The following B4GALT2 variants were observed in gnomAD, a reference collection of about 807,000 sequenced individuals.
B4GALT2 encodes beta-1,4-galactosyltransferase 2.
Under a neutral mutation model 33.2 loss-of-function variants are expected in B4GALT2, and 18 were observed. The observed-to-expected ratio is 0.54, with a 90% CI of 0.38 to 0.80. The LOEUF (loss-of-function observed/expected upper bound fraction) is 0.80. B4GALT2 is among the 30% of genes least tolerant of loss of function. The pLI, the probability that B4GALT2 is intolerant of heterozygous loss-of-function variation, is 0.00. For synonymous variants in B4GALT2, 214 were observed against 217.6 expected, an observed-to-expected ratio of 0.98 and a Z score of 0.15; for missense variants, 404 against 526.2, an observed-to-expected ratio of 0.77 and a Z score of 2.27.
In B4GALT2 at chr1:43,982,872, C is replaced by T. The variant is rs536399531; in HGVS notation, c.549+948C>T. ...GATGGAGAGGGGAGATTAGAGACAG[C>T]GTGGCCCGTTTGGAAGAGAGGACGA... On this transcript the variant is annotated intron_variant, in intron 3 of 6. Transcript: ENST00000372324. The surrounding 1 kb of genome is among the most constrained non-coding windows in gnomAD (Gnocchi z 4.3). Among the ~76,000 whole-genome samples, 133 of 152,258 alleles carry T rather than the reference C, an allele frequency of 8.7e-4. No individual in the cohort carries two copies. Among genetic ancestry groups the T allele is most frequent in the African/African-American group, 3.0e-3 (123 of 41,538 alleles).
In B4GALT2 at chr1:43,982,883, T is replaced by A. The variant is rs1000862510; in HGVS notation, c.549+959T>A. Among the ~76,000 whole-genome samples the A allele has an allele frequency of 8.5e-5, 13 of 152,122 alleles. No homozygotes were observed. The highest frequency in any genetic ancestry group is 2.9e-4 in the African/African-American group (12 of 41,422). On this transcript the variant is annotated intron_variant, in intron 3 of 6. Transcript: ENST00000372324. The surrounding 1 kb of genome is among the most constrained non-coding windows in gnomAD (Gnocchi z 4.3). ...GAGATTAGAGACAGCGTGGCCCGTT[T>A]GGAAGAGAGGACGATGCCCAGGAAA...
Position 43,981,963 on chromosome 1 carries a change from A to G in B4GALT2, c.549+39A>G, listed in dbSNP as rs766490343. ...GGTCCATGTGCCTGTTGGTGTATAT[A>G]TGTGGGTTGGGGGCGTTTGTGGGTC... On this transcript the variant is annotated intron_variant, in intron 3 of 6. Transcript: ENST00000372324. The surrounding 1 kb of genome is among the most constrained non-coding windows in gnomAD (Gnocchi z 8.1). 3.1e-6 allele frequency: 5 copies of G among 1,598,814 alleles called. No individual in the cohort carries two copies. The highest frequency in any genetic ancestry group is 4.3e-6 in the Non-Finnish European group (5 of 1,168,548).
At chr1:43,989,320 C>A (rs1422015764) in intron 6 of B4GALT2, among the ~76,000 whole-genome samples, 109 of 118,156 alleles carry the variant, frequency 9.2e-4, no homozygotes, top group Admixed American at 1.4e-3. Context: ...TACTCTGTCT[C>A]AAAAAAAAAA....
chr1:43,988,247 A>C (rs2154303411), intron 6 of B4GALT2, among the ~76,000 whole-genome samples: 1 of 151,122 alleles, frequency 6.6e-6, no homozygotes, highest in Admixed American at 6.6e-5. Flanking sequence ...ACCGTGGCTC[A>C]TGTCTGTAAT....
intron 6 of B4GALT2, among the ~76,000 whole-genome samples, chr1:43,987,415 C>G (rs1327317719): frequency 2.0e-5 from 3 of 152,150 alleles, no homozygotes; most frequent in Admixed American, 1.3e-4. Context: ...CTTCTCCCAG[C>G]CAGCCTGATA....
chr1:43,980,246 C>A, intron 1 of B4GALT2: 1 of 567,146 alleles, frequency 1.8e-6, no homozygotes, highest in Non-Finnish European at 2.8e-6. Context: ...ATCGCCCAGG[C>A]AAGACCCCCT....
intron 3 of B4GALT2, among the ~76,000 whole-genome samples, chr1:43,983,961 GC>G (rs1170597496): frequency 6.6e-6 from 1 of 152,148 alleles, no homozygotes; most frequent in African/African-American, 2.4e-5. Context: ...TTCCAGAAAG[GC>G]CACTCACCGA....
At position 43,982,959 on chromosome 1, in the gene B4GALT2, G is replaced by T. The variant is rs970915740; in HGVS notation, c.549+1035G>T. Among the ~76,000 whole-genome samples the T allele has an allele frequency of 1.3e-5, 2 of 152,122 alleles. No individual in the cohort carries two copies. Among genetic ancestry groups the T allele is most frequent in the African/African-American group, 4.8e-5 (2 of 41,406 alleles). On this transcript the variant is annotated intron_variant, in intron 3 of 6. Coordinates refer to ENST00000372324, the MANE Select transcript of B4GALT2 (RefSeq NM_003780.5). The surrounding 1 kb of genome is among the most constrained non-coding windows in gnomAD (Gnocchi z 4.3). ...GGGCGGGAGTCGCGGGGAAGAAGTG[G>T]GGTTGTTACGCAAGTAGTGGAGAGT...
rs1367156621 is a variant in B4GALT2 at position 43,984,207 on chromosome 1, T to C, written c.550-658T>C. Among the ~76,000 whole-genome samples, 1 of 152,242 alleles carries C rather than the reference T, an allele frequency of 6.6e-6. No individual in the cohort carries two copies. On this transcript the variant is annotated intron_variant, in intron 3 of 6. Coordinates refer to ENST00000372324, the MANE Select transcript of B4GALT2 (RefSeq NM_003780.5). The surrounding 1 kb of genome is among the most constrained non-coding windows in gnomAD (Gnocchi z 5.6). ...ATTTTGTTGGAGAGACAAGTGAATC[T>C]AGCCCAGACCTGTCCTGGTCTCAGA...
Position 43,981,787 on chromosome 1 carries a change from G to A in B4GALT2, c.412G>A (p.Asp138Asn), listed in dbSNP as rs778952001. 6.2e-6 allele frequency: 10 copies of A among 1,613,588 alleles called. No individual in the cohort carries two copies. The East Asian group carries it at 6.7e-5, about 11-fold the overall frequency. ...CATGGGCGGCCGATACACACCGCCCGACTGCACCCCAGCCCAGACGGTGGC... is the reference window on the plus strand; with the variant it reads ...CATGGGCGGCCGATACACACCGCCCAACTGCACCCCAGCCCAGACGGTGGC... ...VLMGGRYTPP[D>N]CTPAQTVAVI... Residue 138 changes from aspartate (D) to asparagine (N), a missense_variant, in exon 3 of 7, where the codon GAC becomes AAC. Coordinates refer to ENST00000372324, the MANE Select transcript of B4GALT2 (RefSeq NM_003780.5). This position sits in a 1 kb window ranked among gnomAD's most constrained non-coding sequence, Gnocchi z 8.1.
intron 6 of B4GALT2, 67 bp from the exon 7 acceptor site, chr1:43,990,231 G>A (rs1188023557): frequency 6.3e-7 from 1 of 1,587,972 alleles, no homozygotes; most frequent in Non-Finnish European, 8.6e-7. Context: ...GTTGGTTGGG[G>A]GGTGTAGGAT....
Position 43,984,840 on chromosome 1 carries a change from T to G in B4GALT2, c.550-25T>G. The G allele has an allele frequency of 6.2e-7, 1 of 1,605,358 alleles. No homozygotes were observed. The highest frequency in any genetic ancestry group is 8.5e-7 in the Non-Finnish European group (1 of 1,174,432). On this transcript the variant is annotated intron_variant, in intron 3 of 6. Transcript: ENST00000372324. The surrounding 1 kb of genome is among the most constrained non-coding windows in gnomAD (Gnocchi z 5.6). ...GTGCTTGTTGGTCACAGGCCCAGGG[T>G]TGACCTGCTCCTCCCCCTACCCAGC...
chr1:43,979,675 C>T lies in B4GALT2; in HGVS notation c.-53+164C>T, dbSNP rs1420604383. On this transcript the variant is annotated intron_variant, in intron 1 of 6. Coordinates refer to ENST00000372324, the MANE Select transcript of B4GALT2 (RefSeq NM_003780.5). This position sits in a 1 kb window ranked among gnomAD's most constrained non-coding sequence, Gnocchi z 4.8. ...GGCTGCCCCCACCCCGCCCCCACTC[C>T]GGCGCCCCTCCTGGGCTTCTCCGCC... 8.8e-6 allele frequency: 2 copies of T among 226,940 alleles called. No homozygotes were observed. Among genetic ancestry groups the T allele is most frequent in the East Asian group, 9.4e-5 (1 of 10,588 alleles). The allele number at this position is 226,940 out of a possible 1,614,324, so 14.1% of individuals were successfully genotyped here.
chr1:43,983,937 T>C (rs2085628340), intron 3 of B4GALT2, among the ~76,000 whole-genome samples: 1 of 152,140 alleles, frequency 6.6e-6, no homozygotes, highest in African/African-American at 2.4e-5. Flanking sequence ...GAAGAGGGCC[T>C]TTCTCTCCGC....
chr1:43,985,434 G>GT (rs1557652112), intron 5 of B4GALT2, 34 bp downstream of exon 5: 12 of 842,480 alleles, frequency 1.4e-5, no homozygotes, highest in African/African-American at 5.3e-5. Flanking sequence ...TAGGCTGGGT[G>GT]GGGGGGGGAG....
In B4GALT2 at chr1:43,990,725, C is replaced by G. The variant is rs2085722722; in HGVS notation, c.*277C>G. 1 of 483,466 alleles carries G rather than the reference C, an allele frequency of 2.1e-6. No homozygotes were observed. Among genetic ancestry groups the G allele is most frequent in the African/African-American group, 1.9e-5 (1 of 51,400 alleles). The allele number at this position is 483,466 out of a possible 1,614,324, so 29.9% of individuals were successfully genotyped here. On this transcript the variant is annotated 3_prime_UTR_variant, in exon 7 of 7. Coordinates refer to ENST00000372324, the MANE Select transcript of B4GALT2 (RefSeq NM_003780.5). ...AGCCCCAGTCACTGTCAGGGTCGGG[C>G]CAGCCCCTGCACTGCCTCGCAGAGT...
Position 43,984,293 on chromosome 1 carries a change from G to A in B4GALT2, c.550-572G>A, listed in dbSNP as rs754214929. On this transcript the variant is annotated intron_variant, in intron 3 of 6. Transcript: ENST00000372324. The surrounding 1 kb of genome is among the most constrained non-coding windows in gnomAD (Gnocchi z 5.6). ...CTGAGGCTCCTGCATCTTAGACACT[G>A]GTCATTTGGGGCATTCGTTGTTTGT... 5.3e-5 allele frequency among the ~76,000 whole-genome samples: 8 copies of A among 152,248 alleles called. No homozygotes were observed. The highest frequency in any genetic ancestry group is 8.8e-5 in the Non-Finnish European group (6 of 68,042).
At position 43,979,942 on chromosome 1, in the gene B4GALT2, C is replaced by T; in HGVS notation, c.-53+431C>T. Reference sequence around the variant, plus strand: ...CTGGCCGCCAGCCTGACCCAGAACCCCTGCGCCGGAGGGAGGGTGGGAATG... The same window carrying T: ...CTGGCCGCCAGCCTGACCCAGAACCTCTGCGCCGGAGGGAGGGTGGGAATG... On this transcript the variant is annotated intron_variant, in intron 1 of 6. Coordinates refer to ENST00000372324, the MANE Select transcript of B4GALT2 (RefSeq NM_003780.5). The surrounding 1 kb of genome is among the most constrained non-coding windows in gnomAD (Gnocchi z 4.8). The T allele has an allele frequency of 1.3e-6, 2 of 1,517,402 alleles. No homozygotes were observed. Among genetic ancestry groups the T allele is most frequent in the Non-Finnish European group, 8.8e-7 (1 of 1,134,368 alleles). The allele number at this position is 1,517,402 out of a possible 1,614,324, so 94.0% of individuals were successfully genotyped here. A position where few individuals can be genotyped will look rare whatever the true frequency, so the allele number is the denominator to read the frequency against.
rs78592473 is a variant in B4GALT2, at chr1:43,987,216, A to G, written c.968+1595A>G. ...GTAGCCTGCCTGAGTGCCACCATCA[A>G]TTACACATGTCTGGCTTGGTTGTAG... On this transcript the variant is annotated intron_variant, in intron 6 of 6. Transcript: ENST00000372324. Among the ~76,000 whole-genome samples the G allele has an allele frequency of 3.0e-4, 45 of 152,276 alleles. No homozygotes were observed. The East Asian group carries it at 8.3e-3, about 28-fold the overall frequency.
Sources: gnomAD v4.1 joint callset for allele counts (sites outside exome capture counted in the v4.1 genomes callset) on GRCh38, gnomAD v4.1.1 for gene constraint, Gnocchi (gnomAD v3.1) non-coding constraint, MANE v1.5 for transcripts, NCBI Gene and HGNC (gene_info 2026-07-23, HGNC 2026-07-21) for gene names.